Variants in ABCC11 observed in about 807,000 individuals in gnomAD.
ABCC11 encodes ATP-binding cassette sub-family C member 11.
Under a neutral mutation model 149.3 loss-of-function variants are expected in ABCC11, and 135 were observed. The ratio of observed to expected loss-of-function variants is 0.90; its 90% CI spans 0.79 to 1.04. ABCC11 has a LOEUF of 1.04. Among genes scored for constraint, ABCC11 ranks in the 50% least tolerant of loss-of-function variants. The pLI, the probability that ABCC11 is intolerant of heterozygous loss-of-function variation, is 0.00. For synonymous variants in ABCC11, 665 were observed against 671.4 expected (o/e 0.99, Z 0.15); for missense variants, 1,680 against 1,722.1 (o/e 0.98, Z 0.43).
chr16:48,167,966 G>A lies in ABCC11; in HGVS notation c.3892-306C>T, dbSNP rs75091874. ...TTTATTAACTACTTTCCCATTTACC[G>A]AAACTAAAGTAGAGCGGTGTTCTCC... On this transcript the variant is annotated intron_variant, in intron 28 of 29. Transcript: ENST00000356608. Among the ~76,000 whole-genome samples the A allele has an allele frequency of 9.5e-3, 1,448 of 152,310 alleles. 12 individuals are homozygous for A. The highest frequency in any genetic ancestry group is 0.015 in the Non-Finnish European group (989 of 68,036).
At chr16:48,230,038 G>A (rs183252463) in intron 3 of ABCC11, among the ~76,000 whole-genome samples, 6 of 152,322 alleles carry the variant, frequency 3.9e-5, no homozygotes, top group Admixed American at 2.6e-4. Context: ...CTACCAAGTT[G>A]TCATGGTTCT....
intron 10 of ABCC11, among the ~76,000 whole-genome samples, chr16:48,212,092 G>A (rs1203277849): frequency 2.6e-5 from 4 of 152,216 alleles, no homozygotes; most frequent in African/African-American, 4.8e-5. Flanking sequence ...GGGAAGGAAG[G>A]CAGCAGTAGG....
intron 26 of ABCC11, among the ~76,000 whole-genome samples, chr16:48,174,416 G>T (rs1053099634): frequency 1.3e-5 from 2 of 152,182 alleles, no homozygotes; most frequent in African/African-American, 4.8e-5. Context: ...AACATGGGGG[G>T]ACCTAGCCTG....
intron 12 of ABCC11, among the ~76,000 whole-genome samples, chr16:48,205,785 C>T (rs1968386938): frequency 6.6e-6 from 1 of 151,642 alleles, no homozygotes; most frequent in African/African-American, 2.4e-5. Context: ...AAGGTCTGCA[C>T]TAAAGACACT....
intron 1 of ABCC11, among the ~76,000 whole-genome samples, chr16:48,245,082 C>T (rs949267673): frequency 6.6e-6 from 1 of 152,180 alleles, no homozygotes; most frequent in Non-Finnish European, 1.5e-5. Context: ...CTGAGGCATT[C>T]TCTGCTCCGT....
intron 22 of ABCC11, 140 bp from the exon 23 acceptor site, chr16:48,184,766 C>A (rs1437902554): frequency 2.4e-6 from 2 of 817,152 alleles, no homozygotes; most frequent in Admixed American, 5.8e-5. Context: ...TTGGGGAGTT[C>A]CTCCCTACCC....
chr16:48,224,909 G>C (rs1969973055), intron 4 of ABCC11, among the ~76,000 whole-genome samples: 1 of 152,148 alleles, frequency 6.6e-6, no homozygotes, highest in African/African-American at 2.4e-5. Context: ...TGTAATCCCA[G>C]GTACTTGGGA....
intron 6 of ABCC11, among the ~76,000 whole-genome samples, chr16:48,221,885 G>A (rs1969763490): frequency 1.3e-5 from 2 of 151,726 alleles, no homozygotes; most frequent in African/African-American, 4.8e-5. Flanking sequence ...GGGACTATAG[G>A]TATATACCAC....
At chr16:48,234,850 C>A (rs1430583692) in intron 1 of ABCC11, among the ~76,000 whole-genome samples, 1 of 152,134 alleles carries the variant, frequency 6.6e-6, no homozygotes, top group Non-Finnish European at 1.5e-5. Context: ...GCAAAGACAG[C>A]AGGACAGGCA....
Position 48,167,138 on chromosome 16 carries a change from C to A in ABCC11, c.*136G>T. On this transcript the variant is annotated 3_prime_UTR_variant, in exon 30 of 30. Transcript: ENST00000356608. ...AGGGTTTCCATCCAGCAATCCCCAC[C>A]CCCCCTACATTTACCCCTGCTTCCA... 1.9e-6 allele frequency: 1 copy of A among 539,710 alleles called. No homozygotes were observed. 33.4% of individuals were successfully genotyped at this position (539,710 alleles called of 1,614,324 possible). A position where few individuals can be genotyped will look rare whatever the true frequency, so the allele number is the denominator to read the frequency against.
In ABCC11 at chr16:48,222,495, C is replaced by T. The variant is rs112964900; in HGVS notation, c.777+103G>A. 7.9e-5 allele frequency: 73 copies of T among 921,110 alleles called. No individual in the cohort carries two copies. The African/African-American group carries it at 1.1e-3, about 13-fold the overall frequency. 57.1% of individuals were successfully genotyped at this position (921,110 alleles called of 1,614,324 possible). ...AATTATTTTCTTTCTCTTTCTCCTT[C>T]CTCTTCTAACCCCCTTTTCTCCCTC... On this transcript the variant is annotated intron_variant, in intron 6 of 29. Coordinates refer to ENST00000356608, the MANE Select transcript of ABCC11 (RefSeq NM_001370497.1).
At chr16:48,215,812 G>A (rs1308174208) in intron 7 of ABCC11, among the ~76,000 whole-genome samples, 1 of 152,176 alleles carries the variant, frequency 6.6e-6, no homozygotes, top group Non-Finnish European at 1.5e-5. Context: ...GCACATTCTG[G>A]GGAGAAGAGA....
At chr16:48,215,588 C>T (rs1969279555) in intron 7 of ABCC11, among the ~76,000 whole-genome samples, 1 of 152,190 alleles carries the variant, frequency 6.6e-6, no homozygotes, top group Non-Finnish European at 1.5e-5. Context: ...TCTTCTGGAA[C>T]CCTAAACCCT....
chr16:48,222,784 C>A lies in ABCC11; in HGVS notation c.591G>T (p.Gly197=). 6.2e-7 allele frequency: 1 copy of A among 1,614,190 alleles called. No homozygotes were observed. ...AGAGTCCCACTCCATGGACAACATTCCCCAACTGCTCTTCTGAATATTCCA... is the reference window on the plus strand; with the variant it reads ...AGAGTCCCACTCCATGGACAACATTACCCAACTGCTCTTCTGAATATTCCA... The part of the protein sequence containing the change: ...KILEYSEEQL[G]NVVHGVGLCF... The change falls in exon 6 of 30, where the codon GGG becomes GGT. Residue 197 remains glycine, a synonymous_variant. Coordinates refer to ENST00000356608, the MANE Select transcript of ABCC11 (RefSeq NM_001370497.1).
rs1185551676 is a variant in ABCC11, at chr16:48,203,214, C to T, written c.1878+14G>A. On this transcript the variant is annotated intron_variant, in intron 14 of 29. Coordinates refer to ENST00000356608, the MANE Select transcript of ABCC11 (RefSeq NM_001370497.1). Reference sequence around the variant, plus strand: ...CAACATTACACAGAGAAGGCAGGCTCGCCTCCCTCTCACCTCTGTCATGTC... The same window carrying T: ...CAACATTACACAGAGAAGGCAGGCTTGCCTCCCTCTCACCTCTGTCATGTC... 9.0e-6 allele frequency: 14 copies of T among 1,560,720 alleles called. No individual in the cohort carries two copies. The highest frequency in any genetic ancestry group is 2.4e-5 in the East Asian group (1 of 42,500).
In ABCC11 at chr16:48,187,078, C is replaced by T; in HGVS notation, c.2946G>A (p.Lys982=). 2 of 1,614,194 alleles carry T rather than the reference C, an allele frequency of 1.2e-6. No homozygotes were observed. Among genetic ancestry groups the T allele is most frequent in the Non-Finnish European group, 1.7e-6 (2 of 1,180,020 alleles). The part of the protein sequence containing the change: ...ICFIYYMMFK[K]AIGVFKRLEN... ...CCAGTCTCTTGAACACACCGATGGC[C>T]TTCTTGAACATCCTGCATGGACAGT... is the stretch of plus-strand genomic sequence containing the variant. The change falls in exon 22 of 30, where the codon AAG becomes AAA. Residue 982 remains lysine (K), a synonymous_variant. Coordinates refer to ENST00000356608, the MANE Select transcript of ABCC11 (RefSeq NM_001370497.1).
intron 9 of ABCC11, among the ~76,000 whole-genome samples, 178 bp downstream of exon 9, chr16:48,214,703 C>T (rs544812278): frequency 6.6e-6 from 1 of 152,296 alleles, no homozygotes; most frequent in Non-Finnish European, 1.5e-5. Flanking sequence ...TCCAAGATGT[C>T]ACTTTTTCAG....
rs149406807 is a variant in ABCC11, at chr16:48,167,600, G to A, written c.3952C>T (p.Arg1318Cys). Residue 1318 changes from arginine to cysteine, a missense_variant, in exon 29 of 30, where the codon CGC (arginine) becomes TGC (cysteine). Coordinates refer to ENST00000356608, the MANE Select transcript of ABCC11 (RefSeq NM_001370497.1). Reference sequence around the variant, plus strand: ...CCCTGGAAGGCTTCACGGATTGTGCGCTGGATCAGGGTGTCTGTCTCCATG... The same window carrying A: ...CCCTGGAAGGCTTCACGGATTGTGCACTGGATCAGGGTGTCTGTCTCCATG... ...IDMETDTLIQ[R>C]TIREAFQGCT... 3.7e-5 allele frequency: 59 copies of A among 1,612,318 alleles called. No homozygotes were observed. In the African/African-American group the frequency reaches 7.3e-4, roughly 20 times the overall value.
At chr16:48,241,093 C>T (rs779631387) in intron 1 of ABCC11, among the ~76,000 whole-genome samples, 1 of 152,090 alleles carries the variant, frequency 6.6e-6, no homozygotes, top group Non-Finnish European at 1.5e-5. Flanking sequence ...CACCACCACA[C>T]CTGGCTAATT....
Sources: allele counts gnomAD v4.1 joint callset (sites outside exome capture counted in the v4.1 genomes callset), GRCh38; gene constraint gnomAD v4.1.1; transcripts MANE v1.5; gene names NCBI Gene and HGNC (gene_info 2026-07-23, HGNC 2026-07-21).